DCAF13: variants seen among roughly 807,000 people sequenced by gnomAD.
DCAF13 encodes the protein DDB1- and CUL4-associated factor 13.
DCAF13 carries 38 observed loss-of-function variants against 59.0 expected under a neutral mutation model. That is an observed-to-expected ratio of 0.64 (90% CI 0.50 to 0.84). The LOEUF (loss-of-function observed/expected upper bound fraction) is 0.84. Ranked by LOEUF, DCAF13 falls within the 40% of genes least tolerant of loss-of-function variation. DCAF13 has a pLI of 0.00. For missense variants in DCAF13, 469 were observed against 558.4 expected (o/e 0.84, Z 1.61); for synonymous variants, 173 against 175.0 (o/e 0.99, Z 0.09).
Position 103,426,082 on chromosome 8 carries a change from G to A in DCAF13, c.405G>A (p.Gln135=), listed in dbSNP as rs1420981746. The A allele has an allele frequency of 1.2e-6, 2 of 1,612,906 alleles. No homozygotes were observed. The highest frequency in any genetic ancestry group is 1.7e-4 in the Middle Eastern group (1 of 5,854). ...FTVGDDKTVK[Q]WKMDGPGYGD... ...TTGGTGATGACAAAACTGTGAAGCA[G>A]TGGAAAATGGATGGGCCAGGCTATG... The change falls in exon 4 of 11, where the codon CAG becomes CAA. Residue 135 remains glutamine (Q), a synonymous_variant. Transcript: ENST00000612750.
intron 3 of DCAF13, 67 bp from the exon 4 acceptor site, chr8:103,425,989 G>A: frequency 1.9e-6 from 2 of 1,047,714 alleles, no homozygotes; most frequent in Non-Finnish European, 3.0e-6. Context: ...TATTTGATAT[G>A]TGTTGGCAAG....
In DCAF13 at chr8:103,429,216, G is replaced by T. The variant is rs569790775; in HGVS notation, c.625-1396G>T. The stretch of plus-strand genomic sequence containing the variant: ...TCTTTCTTTTTAGAAATGGAACCTG[G>T]TCAGACCCTGAGGCGACATAATGAG... On this transcript the variant is annotated intron_variant, in intron 5 of 10. Transcript: ENST00000612750. 5.3e-5 allele frequency: 8 copies of T among 152,216 alleles called. No individual in the cohort carries two copies. The South Asian group carries it at 1.7e-3, about 32-fold the overall frequency. The allele number at this position is 152,216 out of a possible 1,614,324, so 9.4% of individuals were successfully genotyped here. A position where few individuals can be genotyped will look rare whatever the true frequency, so the allele number is the denominator to read the frequency against.
In DCAF13 at chr8:103,420,436, T is replaced by A; in HGVS notation, c.243T>A (p.Thr81=). The change falls in exon 2 of 11, where the codon ACT becomes ACA. Residue 81 remains threonine (T), a synonymous_variant. Transcript: ENST00000612750. ...CAAAGCATCCAGAGAAGCTGGCTAC[T>A]GTCCTTTCTGGGGCGTGTGATGGAG... ...CLAKHPEKLA[T]VLSGACDGEV... 6.2e-7 allele frequency: 1 copy of A among 1,613,986 alleles called. No individual in the cohort carries two copies. The highest frequency in any genetic ancestry group is 8.5e-7 in the Non-Finnish European group (1 of 1,179,930).
rs1259861131 is a variant in DCAF13 at position 103,426,155 on chromosome 8, T to TA, written c.468+13dup. The TA allele has an allele frequency of 2.0e-6, 3 of 1,513,120 alleles. No individual in the cohort carries two copies. Among genetic ancestry groups the TA allele is most frequent in the South Asian group, 2.3e-5 (2 of 86,492 alleles). The allele number at this position is 1,513,120 out of a possible 1,614,324, so 93.7% of individuals were successfully genotyped here. On this transcript the variant is annotated intron_variant, in intron 4 of 10. Transcript: ENST00000612750. ...TACAATATTAGGAAAGGTACAAAAG[T>TA]AAATTGACTAATAGCTTGCCTATTA...
chr8:103,421,287 T>C, intron 3 of DCAF13: 1 of 662,458 alleles, frequency 1.5e-6, no homozygotes, highest in Non-Finnish European at 2.7e-6. Flanking sequence ...TAAACTAATA[T>C]TCAATTTACC....
intron 7 of DCAF13, among the ~76,000 whole-genome samples, chr8:103,433,003 GTT>G (rs1422722487): frequency 1.3e-5 from 2 of 152,114 alleles, no homozygotes; most frequent in East Asian, 3.8e-4. Context: ...TTTTTATAAA[GTT>G]TTATTGGAAT....
intron 5 of DCAF13, chr8:103,429,615 G>A (rs1004949282): frequency 7.9e-5 from 12 of 152,086 alleles, no homozygotes; most frequent in Non-Finnish European, 1.5e-4. Flanking sequence ...ATTTATAATT[G>A]ACTTACAAAT....
intron 9 of DCAF13, 170 bp downstream of exon 9, chr8:103,440,441 A>G: frequency 1.9e-6 from 1 of 526,128 alleles, no homozygotes; most frequent in East Asian, 3.4e-5. Context: ...TATTTGCTTC[A>G]TTCTGATCTA....
chr8:103,440,396 A>G, intron 9 of DCAF13, 125 bp downstream of exon 9: 1 of 566,238 alleles, frequency 1.8e-6, no homozygotes, highest in Non-Finnish European at 2.5e-6. Context: ...GCTGTGATAA[A>G]AAAAGCAATA....
rs2130499482 is a variant in DCAF13 at position 103,441,476 on chromosome 8, G to A, written c.1108G>A (p.Ala370Thr). 2.5e-6 allele frequency: 4 copies of A among 1,589,402 alleles called. No homozygotes were observed. Among genetic ancestry groups the A allele is most frequent in the Non-Finnish European group, 3.4e-6 (4 of 1,173,540 alleles). ...LGVLTSREKA[A>T]KDYNQKLKEK... ...TCAGCTTACATCACGAGAAAAAGCAGCCAAGGATTATAACCAGAAATTGAA... is the reference window on the plus strand; with the variant it reads ...TCAGCTTACATCACGAGAAAAAGCAACCAAGGATTATAACCAGAAATTGAA... The change falls in exon 10 of 11, where the codon GCC becomes ACC. Residue 370 changes from alanine (A) to threonine (T), a missense_variant. Coordinates refer to ENST00000612750, the MANE Select transcript of DCAF13 (RefSeq NM_015420.7).
At chr8:103,433,137 GCCC>G (rs1816887204) in intron 7 of DCAF13, among the ~76,000 whole-genome samples, 1 of 152,076 alleles carries the variant, frequency 6.6e-6, no homozygotes, top group Non-Finnish European at 1.5e-5. Context: ...TTAACATTTG[GCCC>G]TTTACAGAAG....
rs1278052108 is a variant in DCAF13 at position 103,427,477 on chromosome 8, G to A, written c.624+225G>A. 5.8e-6 allele frequency: 3 copies of A among 520,614 alleles called. No individual in the cohort carries two copies. The African/African-American group carries it at 5.8e-5, about 10-fold the overall frequency. 32.2% of individuals were successfully genotyped at this position (520,614 alleles called of 1,614,324 possible). A position where few individuals can be genotyped will look rare whatever the true frequency, so the allele number is the denominator to read the frequency against. ...AGAGTTAAGCATTGTTAGAGGAGTG[G>A]TGTGTGCATTTGCCCATTGGGGTAA... On this transcript the variant is annotated intron_variant, in intron 5 of 10. Coordinates refer to ENST00000612750, the MANE Select transcript of DCAF13 (RefSeq NM_015420.7).
chr8:103,432,348 T>G (rs1294116959), intron 6 of DCAF13, among the ~76,000 whole-genome samples: 1 of 152,176 alleles, frequency 6.6e-6, no homozygotes, highest in Non-Finnish European at 1.5e-5. Flanking sequence ...AGCTCACCAT[T>G]AATTTTGCCC....
At chr8:103,423,351 C>T (rs941193563) in intron 3 of DCAF13, among the ~76,000 whole-genome samples, 1 of 151,978 alleles carries the variant, frequency 6.6e-6, no homozygotes, top group African/African-American at 2.4e-5. Context: ...CACACACACA[C>T]GCACACAGGA....
rs1252204502 is a variant in DCAF13, at chr8:103,421,131, A to G, written c.378+49A>G. The G allele has an allele frequency of 8.2e-6, 10 of 1,226,308 alleles. No individual in the cohort carries two copies. The South Asian group carries it at 1.1e-4, about 13-fold the overall frequency. 76.0% of individuals were successfully genotyped at this position (1,226,308 alleles called of 1,614,324 possible). On this transcript the variant is annotated intron_variant, in intron 3 of 10. Transcript: ENST00000612750. ...TTAAATTTGATCAACATAGGTAAGA[A>G]TAATCTAATTGAATACATTTTTTTT... is the stretch of plus-strand genomic sequence containing the variant.
chr8:103,432,608 GGAAAA>G (rs776069612), intron 6 of DCAF13, 46 bp from the exon 7 acceptor site: 76 of 1,189,072 alleles, frequency 6.4e-5, no homozygotes, highest in South Asian at 4.0e-4. Context: ...AAATCAGTGG[GGAAAA>G]GAAAAGGAAA....
chr8:103,430,825 C>T, intron 6 of DCAF13, 136 bp downstream of exon 6: 1 of 536,290 alleles, frequency 1.9e-6, no homozygotes, highest in Non-Finnish European at 3.2e-6. Context: ...TAGAACTCTA[C>T]ATGATGATAG....
At chr8:103,435,984 A>G (rs757035554) in intron 8 of DCAF13, among the ~76,000 whole-genome samples, 194 bp downstream of exon 8, 18 of 152,204 alleles carry the variant, frequency 1.2e-4, no homozygotes, top group Non-Finnish European at 2.1e-4. Context: ...CTTCTAGACT[A>G]CGAATCTGTT....
intron 1 of DCAF13, among the ~76,000 whole-genome samples, chr8:103,418,138 GAAAAA>G (rs778860828): frequency 6.8e-6 from 1 of 147,316 alleles, no homozygotes; most frequent in Non-Finnish European, 1.5e-5. Flanking sequence ...AAAAAAAAAA[GAAAAA>G]AAAAGACATC....
Sources: allele counts gnomAD v4.1 joint callset (sites outside exome capture counted in the v4.1 genomes callset), GRCh38; gene constraint gnomAD v4.1.1; transcripts MANE v1.5; gene names NCBI Gene and HGNC (gene_info 2026-07-23, HGNC 2026-07-21).